The following PDXDC1 variants were observed in gnomAD, a reference collection of about 807,000 sequenced individuals.
PDXDC1 encodes the protein pyridoxal-dependent decarboxylase domain-containing protein 1.
A neutral mutation model predicts 100.1 loss-of-function variants in PDXDC1; 42 were observed. The observed-to-expected ratio is 0.42, with a 90% CI of 0.33 to 0.54. The LOEUF (loss-of-function observed/expected upper bound fraction) is 0.54, where lower values mean the gene tolerates loss of function less well. PDXDC1 is among the 20% of genes least tolerant of loss of function. The pLI, the probability that PDXDC1 is intolerant of heterozygous loss-of-function variation, is 0.10. For synonymous variants in PDXDC1, 260 were observed against 371.7 expected (o/e 0.70, Z 3.46); for missense variants, 636 against 979.2 (o/e 0.65, Z 4.68).
chr16:15,132,587 G>C (rs569564077), intron 16 of PDXDC1: 1 of 724,692 alleles, frequency 1.4e-6, no homozygotes, highest in East Asian at 2.7e-5. Context: ...GTCAGAGACC[G>C]AGGAACGCCA....
the PDXDC1 span, among the ~76,000 whole-genome samples, chr16:15,145,577 G>T: frequency 4.6e-5 from 7 of 152,266 alleles, no homozygotes; most frequent in African/African-American, 1.7e-4. Context: ...GCCAGGGCTG[G>T]GCCTTGGGAG....
chr16:14,993,803 T>C (rs1371370232), intron 1 of PDXDC1, among the ~76,000 whole-genome samples: 1 of 152,306 alleles, frequency 6.6e-6, no homozygotes, highest in African/African-American at 2.4e-5. Flanking sequence ...CTCCAGCACC[T>C]GTTGTTTCCT....
At chr16:15,044,422 A>C in intron 16 of PDXDC1, 2 of 1,595,172 alleles carry the variant, frequency 1.3e-6, no homozygotes, top group Non-Finnish European at 1.7e-6. Flanking sequence ...CAAAGAGATG[A>C]GACGGGTCAG....
chr16:15,014,612 G>A (rs558479659), intron 8 of PDXDC1, among the ~76,000 whole-genome samples: 100 of 152,356 alleles, frequency 6.6e-4, no homozygotes, highest in Non-Finnish European at 1.2e-3. Flanking sequence ...TTAGGTATGA[G>A]GGGAAAAAGT....
intron 16 of PDXDC1, chr16:15,061,738 C>G (rs2044719583): frequency 6.2e-7 from 1 of 1,602,688 alleles, no homozygotes; most frequent in African/African-American, 1.3e-5. Context: ...TCACAAATTT[C>G]TGCCGTCAGA....
intron 16 of PDXDC1, chr16:15,131,750 G>A (rs568326339): frequency 8.3e-6 from 9 of 1,079,654 alleles, no homozygotes; most frequent in Non-Finnish European, 1.2e-5. Context: ...GGGAGGCAGA[G>A]GGAGGGTGGG....
At chr16:14,997,661 A>C (rs1245550224) in intron 1 of PDXDC1, 92 bp from the exon 2 acceptor site, 177 of 1,332,736 alleles carry the variant, frequency 1.3e-4, no homozygotes, top group Non-Finnish European at 1.7e-4. Context: ...TAAATCCAGA[A>C]GAAATTATGC....
intron 16 of PDXDC1, among the ~76,000 whole-genome samples, chr16:15,054,694 T>G (rs189158085): frequency 6.6e-6 from 1 of 152,184 alleles, no homozygotes; most frequent in South Asian, 2.1e-4. Flanking sequence ...AGGGGTCATT[T>G]TGTGACCTCA....
intron 21 of PDXDC1, 25 bp from the exon 22 acceptor site, chr16:15,035,424 T>A: frequency 6.9e-7 from 1 of 1,455,518 alleles, no homozygotes; most frequent in South Asian, 1.2e-5. Flanking sequence ...CTGTAGCTTC[T>A]ACCCAGCCCT....
At chr16:15,072,223 C>T (rs2045263225) in intron 16 of PDXDC1, among the ~76,000 whole-genome samples, 1 of 142,954 alleles carries the variant, frequency 7.0e-6, no homozygotes, top group African/African-American at 2.5e-5. Context: ...GAAGGAAAAG[C>T]CTTCTACATT....
At chr16:15,109,935 C>A (rs921329449) in intron 16 of PDXDC1, among the ~76,000 whole-genome samples, 1 of 142,576 alleles carries the variant, frequency 7.0e-6, no homozygotes, top group African/African-American at 2.5e-5. Context: ...GGGTGGATTA[C>A]CTGAGGTCAG....
At chr16:15,027,308 C>G (rs1284700248) in intron 14 of PDXDC1, among the ~76,000 whole-genome samples, 1 of 152,294 alleles carries the variant, frequency 6.6e-6, no homozygotes, top group African/African-American at 2.4e-5. Context: ...GGAGAGCATA[C>G]AGACGGGCAG....
intron 8 of PDXDC1, among the ~76,000 whole-genome samples, chr16:15,015,498 C>T (rs1227626149): frequency 2.0e-5 from 3 of 152,046 alleles, no homozygotes; most frequent in Non-Finnish European, 4.4e-5. Context: ...AGGTGGATCA[C>T]GAGGTCAGGA....
At chr16:15,068,773 G>A (rs909756187) in intron 16 of PDXDC1, among the ~76,000 whole-genome samples, 2 of 152,014 alleles carry the variant, frequency 1.3e-5, no homozygotes, top group African/African-American at 2.4e-5. Context: ...CTACCTCAAC[G>A]GACGGCAAAT....
At chr16:15,083,407 A>AAAAGAAAAAGAAAGACTGGAAAAG (rs2045784950) in intron 16 of PDXDC1, 1 of 1,523,686 alleles carries the variant, frequency 6.6e-7, no homozygotes, top group African/African-American at 1.4e-5. Flanking sequence ...TCAAAAAAGA[A>AAAAGAAAAAGAAAGACTGGAAAAG]AAAGAAAAAG....
intron 16 of PDXDC1, among the ~76,000 whole-genome samples, chr16:15,092,914 G>C (rs560939875): frequency 2.0e-5 from 3 of 152,206 alleles, no homozygotes; most frequent in Non-Finnish European, 4.4e-5. Context: ...CAGCCATAAC[G>C]TCTTTTCTGC....
intron 16 of PDXDC1, among the ~76,000 whole-genome samples, chr16:15,071,931 C>T (rs1381268767): frequency 2.0e-5 from 3 of 152,132 alleles, no homozygotes; most frequent in African/African-American, 7.2e-5. Context: ...CATGGAGCTC[C>T]ACATGGGCAC....
intron 16 of PDXDC1, among the ~76,000 whole-genome samples, chr16:15,048,634 T>G (rs1428721996): frequency 6.6e-6 from 1 of 152,194 alleles, no homozygotes; most frequent in East Asian, 1.9e-4. Context: ...CCCTCTTTTT[T>G]ATTTTTTGAG....
intron 16 of PDXDC1, chr16:15,085,610 G>C (rs1374962472): frequency 6.2e-7 from 1 of 1,605,470 alleles, no homozygotes; most frequent in East Asian, 2.2e-5. Context: ...AAGCTACTGT[G>C]CCCAGGCTTT....
Sources: allele counts gnomAD v4.1 joint callset (sites outside exome capture counted in the v4.1 genomes callset), GRCh38; gene constraint gnomAD v4.1.1; transcripts MANE v1.5; gene names NCBI Gene and HGNC (gene_info 2026-07-23, HGNC 2026-07-21).